Variants in KCNQ1OT1 observed in about 807,000 individuals in gnomAD.
The protein encoded by KCNQ1OT1 is KCNQ1 antisense RNA 2 (non-protein coding).
chr11:2,667,579 G>C, exon 1 of KCNQ1OT1: 1 of 395,098 alleles, frequency 2.5e-6, no homozygotes, highest in Non-Finnish European at 4.4e-6. Context: ...GGGGCAGGGG[G>C]TCGGGGCGGG....
rs1443841854 is a variant in KCNQ1OT1 at position 2,695,043 on chromosome 11, T to C, written n.4952A>G. ...GTCAGAGAGGTAAGCAGGGCAGATC[T>C]TGTAAAAACCTGATGGAATTTGAAT... On this transcript the variant is annotated non_coding_transcript_exon_variant, in exon 1 of 1. Coordinates refer to ENST00000597346, the Ensembl canonical transcript of KCNQ1OT1. This position sits in a 1 kb window ranked among gnomAD's most constrained non-coding sequence, Gnocchi z 5.2. The C allele has an allele frequency of 2.5e-6, 1 of 398,610 alleles. No homozygotes were observed. The highest frequency in any genetic ancestry group is 4.4e-6 in the Non-Finnish European group (1 of 226,076). The allele number at this position is 398,610 out of a possible 1,614,324, so 24.7% of individuals were successfully genotyped here. A position where few individuals can be genotyped will look rare whatever the true frequency, so the allele number is the denominator to read the frequency against.
rs1167505141 is a variant in KCNQ1OT1 at position 2,610,716 on chromosome 11, C to CTTTTTTTTTTTTTTTTT, written n.89262_89278dup. The CTTTTTTTTTTTTTTTTT allele has an allele frequency of 1.8e-4, 42 of 230,170 alleles. 5 individuals are homozygous for CTTTTTTTTTTTTTTTTT. Among genetic ancestry groups the CTTTTTTTTTTTTTTTTT allele is most frequent in the African/African-American group, 5.6e-4 (12 of 21,572 alleles). The allele number at this position is 230,170 out of a possible 1,614,324, so 14.3% of individuals were successfully genotyped here. On this transcript the variant is annotated non_coding_transcript_exon_variant, in exon 1 of 1. Coordinates refer to ENST00000597346, the Ensembl canonical transcript of KCNQ1OT1. ...TTCTGGACACAGTATTCTTGGTTGG[C>CTTTTTTTTTTTTTTTTT]TTTTTTTTTTTTTTTTTTTTTTTTT... is the stretch of plus-strand genomic sequence containing the variant.
chr11:2,668,085 C>T lies in KCNQ1OT1; in HGVS notation n.31910G>A, dbSNP rs1457123094. ...GGTGGGAATGATGCAACTCATACAC[C>T]TTTGTGTCCAATGTCCCTCACTCAA... On this transcript the variant is annotated non_coding_transcript_exon_variant, in exon 1 of 1. Transcript: ENST00000597346. The surrounding 1 kb of genome is among the most constrained non-coding windows in gnomAD (Gnocchi z 4.3). The T allele has an allele frequency of 5.0e-6, 2 of 398,592 alleles. No individual in the cohort carries two copies. The highest frequency in any genetic ancestry group is 8.8e-6 in the Non-Finnish European group (2 of 226,076). The allele number at this position is 398,592 out of a possible 1,614,324, so 24.7% of individuals were successfully genotyped here.
At chr11:2,660,633 A>G (rs759219871) in exon 1 of KCNQ1OT1, 2 of 398,644 alleles carry the variant, frequency 5.0e-6, no homozygotes, top group Non-Finnish European at 8.8e-6. Context: ...GGTATTCAAC[A>G]CAGATGGAAA....
chr11:2,647,364 G>C lies in KCNQ1OT1; in HGVS notation n.52631C>G, dbSNP rs898379544. 2 of 398,310 alleles carry C rather than the reference G, an allele frequency of 5.0e-6. No homozygotes were observed. The highest frequency in any genetic ancestry group is 8.8e-6 in the Non-Finnish European group (2 of 226,014). The allele number at this position is 398,310 out of a possible 1,614,324, so 24.7% of individuals were successfully genotyped here. A position where few individuals can be genotyped will look rare whatever the true frequency, so the allele number is the denominator to read the frequency against. ...TGTATTATCTTTTTGATGTGCGATT[G>C]GATTCAGATTGCTAGTTTGTGTGTC... On this transcript the variant is annotated non_coding_transcript_exon_variant, in exon 1 of 1. Transcript: ENST00000597346. This position sits in a 1 kb window ranked among gnomAD's most constrained non-coding sequence, Gnocchi z 4.0.
exon 1 of KCNQ1OT1, chr11:2,629,266 G>T (rs961376245): frequency 5.0e-6 from 2 of 398,124 alleles, no homozygotes; most frequent in Admixed American, 4.4e-5. Context: ...CTTAGAATTT[G>T]TTCAATGTTT....
chr11:2,635,714 G>T (rs1456304837), exon 1 of KCNQ1OT1: 1 of 152,108 alleles, frequency 6.6e-6, no homozygotes, highest in Non-Finnish European at 1.5e-5. Flanking sequence ...TTCCAATTCT[G>T]TGAAGAAAGT....
Position 2,659,175 on chromosome 11 carries a change from G to T in KCNQ1OT1, n.40820C>A. 2 of 398,580 alleles carry T rather than the reference G, an allele frequency of 5.0e-6. No individual in the cohort carries two copies. The highest frequency in any genetic ancestry group is 8.8e-5 in the Admixed American group (2 of 22,740). 24.7% of individuals were successfully genotyped at this position (398,580 alleles called of 1,614,324 possible). ...TTCAGTTCTGTGGGTTTTGACAGAT[G>T]TCTGGAGTCATGTGTCCACAATCCA... On this transcript the variant is annotated non_coding_transcript_exon_variant, in exon 1 of 1. Transcript: ENST00000597346. The surrounding 1 kb of genome is among the most constrained non-coding windows in gnomAD (Gnocchi z 4.3).
rs1453623949 is a variant in KCNQ1OT1, at chr11:2,677,703, T to A, written n.22292A>T. 25 of 398,492 alleles carry A rather than the reference T, an allele frequency of 6.3e-5. No homozygotes were observed. The highest frequency in any genetic ancestry group is 1.1e-4 in the Non-Finnish European group (24 of 226,042). The allele number at this position is 398,492 out of a possible 1,614,324, so 24.7% of individuals were successfully genotyped here. ...AACTACTGTTATTTTTCAAATTAAC[T>A]TCCCAATCAAATATCTCTATTGTAA... On this transcript the variant is annotated non_coding_transcript_exon_variant, in exon 1 of 1. Coordinates refer to ENST00000597346, the Ensembl canonical transcript of KCNQ1OT1. The surrounding 1 kb of genome is among the most constrained non-coding windows in gnomAD (Gnocchi z 4.5).
Position 2,668,821 on chromosome 11 carries a change from A to C in KCNQ1OT1, n.31174T>G. ...TAATTTTCATGTGGTCCAGTTAATCAAACATTTCCTCTCTGGATAGGGCTG... is the reference window on the plus strand; with the variant it reads ...TAATTTTCATGTGGTCCAGTTAATCCAACATTTCCTCTCTGGATAGGGCTG... On this transcript the variant is annotated non_coding_transcript_exon_variant, in exon 1 of 1. Transcript: ENST00000597346. The surrounding 1 kb of genome is among the most constrained non-coding windows in gnomAD (Gnocchi z 4.3). The C allele has an allele frequency of 2.5e-6, 1 of 398,648 alleles. No individual in the cohort carries two copies. Among genetic ancestry groups the C allele is most frequent in the Non-Finnish European group, 4.4e-6 (1 of 226,066 alleles). 24.7% of individuals were successfully genotyped at this position (398,648 alleles called of 1,614,324 possible).
exon 1 of KCNQ1OT1, chr11:2,688,886 G>T: frequency 2.5e-6 from 1 of 399,044 alleles, no homozygotes; most frequent in Admixed American, 4.4e-5. Flanking sequence ...AGGTCAGGTT[G>T]GAAGCTGAGG....
exon 1 of KCNQ1OT1, chr11:2,685,026 A>C (rs1036144421): frequency 5.0e-6 from 2 of 398,466 alleles, no homozygotes; most frequent in African/African-American, 2.1e-5. Flanking sequence ...TCCCTGTCTC[A>C]TGGGTGAGCA....
In KCNQ1OT1 at chr11:2,626,287, A is replaced by G. The variant is rs1450071090; in HGVS notation, n.73708T>C. On this transcript the variant is annotated non_coding_transcript_exon_variant, in exon 1 of 1. Transcript: ENST00000597346. The surrounding 1 kb of genome is among the most constrained non-coding windows in gnomAD (Gnocchi z 4.0). ...TATACATGGTTAGGTAAGGATCTCA[A>G]CTTCATTCTCTTGAGTTAATTTTTG... is the stretch of plus-strand genomic sequence containing the variant. 1.3e-5 allele frequency: 5 copies of G among 398,312 alleles called. No individual in the cohort carries two copies. The highest frequency in any genetic ancestry group is 4.4e-5 in the Admixed American group (1 of 22,690). The allele number at this position is 398,312 out of a possible 1,614,324, so 24.7% of individuals were successfully genotyped here.
chr11:2,694,743 A>T, exon 1 of KCNQ1OT1: 1 of 398,652 alleles, frequency 2.5e-6, no homozygotes, highest in East Asian at 3.6e-5. Flanking sequence ...AAATAAGTAG[A>T]TGTCTAAGGA....
chr11:2,654,941 T>C lies in KCNQ1OT1; in HGVS notation n.45054A>G, dbSNP rs1385797462. ...GAGCAAGGCACAGATACAGGAGACT[T>C]CCACAAATTATTGTTTCTTGACTTG... On this transcript the variant is annotated non_coding_transcript_exon_variant, in exon 1 of 1. Coordinates refer to ENST00000597346, the Ensembl canonical transcript of KCNQ1OT1. The surrounding 1 kb of genome is among the most constrained non-coding windows in gnomAD (Gnocchi z 6.4). The C allele has an allele frequency of 2.5e-6, 1 of 398,462 alleles. No homozygotes were observed. Among genetic ancestry groups the C allele is most frequent in the Non-Finnish European group, 4.4e-6 (1 of 226,066 alleles). The allele number at this position is 398,462 out of a possible 1,614,324, so 24.7% of individuals were successfully genotyped here.
At position 2,687,107 on chromosome 11, in the gene KCNQ1OT1, T is replaced by C. The variant is rs1346770882; in HGVS notation, n.12888A>G. On this transcript the variant is annotated non_coding_transcript_exon_variant, in exon 1 of 1. Transcript: ENST00000597346. This position sits in a 1 kb window ranked among gnomAD's most constrained non-coding sequence, Gnocchi z 5.0. ...CTGAGTTGGGTGTGACAAGTACACC[T>C]TGACACACAAACTGCACAGGGAGGG... 2 of 398,618 alleles carry C rather than the reference T, an allele frequency of 5.0e-6. No individual in the cohort carries two copies. Among genetic ancestry groups the C allele is most frequent in the Non-Finnish European group, 8.8e-6 (2 of 226,074 alleles). 24.7% of individuals were successfully genotyped at this position (398,618 alleles called of 1,614,324 possible).
At chr11:2,662,276 C>G (rs542201897) in exon 1 of KCNQ1OT1, 1 of 631,996 alleles carries the variant, frequency 1.6e-6, no homozygotes, top group African/African-American at 1.8e-5. Context: ...CCCACTGAGC[C>G]TGGGAACATG....
chr11:2,625,578 C>CTT, exon 1 of KCNQ1OT1: 2 of 347,444 alleles, frequency 5.8e-6, no homozygotes, highest in East Asian at 4.0e-5. Context: ...GTCCTTTGCC[C>CTT]TTTTTTTTTT....
exon 1 of KCNQ1OT1, chr11:2,680,116 T>G (rs376766966): frequency 5.1e-6 from 2 of 393,484 alleles, no homozygotes; most frequent in African/African-American, 4.2e-5. Flanking sequence ...GGTCTCAAAC[T>G]CCTGACCTCA....
Sources: allele counts gnomAD v4.1 joint callset, GRCh38; gene constraint gnomAD v4.1.1; non-coding constraint Gnocchi (gnomAD v3.1); transcripts MANE v1.5; gene names NCBI Gene and HGNC (gene_info 2026-07-23, HGNC 2026-07-21).